CDK15: variants seen among roughly 807,000 people sequenced by gnomAD.
The protein encoded by CDK15 is cyclin dependent kinase 15.
Under a neutral mutation model 60.3 loss-of-function variants are expected in CDK15, and 62 were observed. That is an observed-to-expected ratio of 1.03 (90% CI 0.84 to 1.27). The LOEUF (loss-of-function observed/expected upper bound fraction) is 1.27, where lower values mean the gene tolerates loss of function less well. CDK15 is among the 50% of genes most tolerant of loss of function. The pLI is 0.00. For synonymous variants in CDK15, 194 were observed against 195.7 expected, an observed-to-expected ratio of 0.99 and a Z score of 0.07; for missense variants, 541 against 527.8, an observed-to-expected ratio of 1.03 and a Z score of -0.25.
At chr2:201,850,840 C>T (rs571480466) in intron 9 of CDK15, among the ~76,000 whole-genome samples, 20 of 152,282 alleles carry the variant, frequency 1.3e-4, no homozygotes, top group Middle Eastern at 3.4e-3. Flanking sequence ...AATATCTCAC[C>T]ATGGTCCTAG....
intron 4 of CDK15, among the ~76,000 whole-genome samples, chr2:201,817,066 C>T (rs1696028141): frequency 6.6e-6 from 1 of 152,264 alleles, no homozygotes; most frequent in Admixed American, 6.5e-5. Flanking sequence ...CTGCTGAACA[C>T]TGCTGCTTCA....
Position 201,847,488 on chromosome 2 carries a change from T to A in CDK15, c.945+14T>A, listed in dbSNP as rs760064466. On this transcript the variant is annotated intron_variant, in intron 9 of 13. Coordinates refer to ENST00000652192, the MANE Select transcript of CDK15 (RefSeq NM_001366386.2). ...AAAATCTGGGAGGTAGGAGAATAAT[T>A]CTTCTAAAGAAAATGAAATATCTGC... 1.2e-6 allele frequency: 2 copies of A among 1,606,414 alleles called. No homozygotes were observed. Among genetic ancestry groups the A allele is most frequent in the Non-Finnish European group, 1.7e-6 (2 of 1,174,672 alleles).
intron 4 of CDK15, among the ~76,000 whole-genome samples, chr2:201,815,935 G>A (rs1322815975): frequency 3.3e-5 from 5 of 152,102 alleles, no homozygotes; most frequent in African/African-American, 2.4e-5. Context: ...CTTGTCTGAG[G>A]TCACAGAGAT....
chr2:201,807,600 G>A lies in CDK15; in HGVS notation c.230G>A (p.Ser77Asn), dbSNP rs1695571154. ...AAGAGTAAAAGGCCACGGAGTAACA[G>A]TGATTGTTTTCAGGAAGAGGATCTG... ...KFKSKRPRSN[S>N]DCFQEEDLRQ... is the part of the protein sequence containing the mutation. The change falls in exon 2 of 14, where the codon AGT becomes AAT. Residue 77 changes from serine to asparagine, a missense_variant. Ser to Asn is a conservative substitution (Grantham distance 46). Coordinates refer to ENST00000652192, the MANE Select transcript of CDK15 (RefSeq NM_001366386.2). 1.2e-6 allele frequency: 2 copies of A among 1,614,198 alleles called. No homozygotes were observed. Among genetic ancestry groups the A allele is most frequent in the South Asian group, 2.2e-5 (2 of 91,082 alleles).
chr2:201,860,438 A>G (rs1410017564), intron 10 of CDK15, among the ~76,000 whole-genome samples: 1 of 152,174 alleles, frequency 6.6e-6, no homozygotes, highest in African/African-American at 2.4e-5. Context: ...TCCCATAAAG[A>G]AGGGAATAGG....
intron 12 of CDK15, chr2:201,888,714 GTC>G (rs533911769): frequency 1.2e-3 from 1,481 of 1,259,062 alleles, no homozygotes; most frequent in East Asian, 2.5e-3. Flanking sequence ...GCCAGATAGT[GTC>G]TCTCTCTCTC....
rs1699302234 is a variant in CDK15 at position 201,882,194 on chromosome 2, T to C, written c.1198+2027T>C. Among the ~76,000 whole-genome samples, 2 of 151,506 alleles carry C rather than the reference T, an allele frequency of 1.3e-5. No individual in the cohort carries two copies. The highest frequency in any genetic ancestry group is 4.9e-5 in the African/African-American group (2 of 40,992). Reference sequence around the variant, plus strand: ...GTGTGTATGTGTGTATATGTGTGTGTGCGTATGTGTGTGTGTGTGTGTGAG... The same window carrying C: ...GTGTGTATGTGTGTATATGTGTGTGCGCGTATGTGTGTGTGTGTGTGTGAG... On this transcript the variant is annotated intron_variant, in intron 12 of 13. Coordinates refer to ENST00000652192, the MANE Select transcript of CDK15 (RefSeq NM_001366386.2). This position sits in a 1 kb window ranked among gnomAD's most constrained non-coding sequence, Gnocchi z 4.0.
At chr2:201,885,710 A>G (rs1420693639) in intron 12 of CDK15, among the ~76,000 whole-genome samples, 1 of 152,200 alleles carries the variant, frequency 6.6e-6, no homozygotes, top group Non-Finnish European at 1.5e-5. Flanking sequence ...AGTAAAGATA[A>G]ATAATTCAGA....
chr2:201,845,923 T>C (rs2105771691), intron 8 of CDK15, among the ~76,000 whole-genome samples: 1 of 151,902 alleles, frequency 6.6e-6, no homozygotes, highest in South Asian at 2.1e-4. Context: ...CTTTTAATAC[T>C]CAAAAGACTT....
At chr2:201,854,121 C>A (rs1698033838) in intron 9 of CDK15, among the ~76,000 whole-genome samples, 1 of 152,080 alleles carries the variant, frequency 6.6e-6, no homozygotes, top group African/African-American at 2.4e-5. Flanking sequence ...TTGCAGTGAG[C>A]CGAGATCGCA....
chr2:201,864,168 G>A (rs11889379), intron 10 of CDK15, among the ~76,000 whole-genome samples: 40,844 of 151,978 alleles, frequency 0.27, 6,431 homozygotes, highest in African/African-American at 0.42. Flanking sequence ...TACAATGTGG[G>A]AAGTATACTA....
intron 3 of CDK15, among the ~76,000 whole-genome samples, chr2:201,808,516 A>G (rs1695614036): frequency 7.2e-5 from 11 of 152,262 alleles, no homozygotes; most frequent in Admixed American, 6.5e-4. Flanking sequence ...AAAGCTAAGT[A>G]CTAATTTTGG....
intron 6 of CDK15, among the ~76,000 whole-genome samples, chr2:201,829,199 A>G (rs955190348): frequency 1.1e-4 from 16 of 151,938 alleles, no homozygotes; most frequent in African/African-American, 3.9e-4. Context: ...TTTTTTTGAA[A>G]TGTTATATTC....
At chr2:201,881,771 A>G (rs1229760716) in intron 12 of CDK15, among the ~76,000 whole-genome samples, 1 of 150,862 alleles carries the variant, frequency 6.6e-6, no homozygotes, top group Admixed American at 6.6e-5. Context: ...CTCCCCGGCC[A>G]CTCCCATCCC....
At chr2:201,844,250 T>G (rs1361555170) in intron 8 of CDK15, among the ~76,000 whole-genome samples, 3 of 152,198 alleles carry the variant, frequency 2.0e-5, no homozygotes, top group African/African-American at 7.2e-5. Flanking sequence ...GTATTTATTT[T>G]TACTCCAAAA....
chr2:201,882,270 G>C lies in CDK15; in HGVS notation c.1198+2103G>C, dbSNP rs879601036. Among the ~76,000 whole-genome samples, 3 of 152,004 alleles carry C rather than the reference G, an allele frequency of 2.0e-5. No homozygotes were observed. Among genetic ancestry groups the C allele is most frequent in the African/African-American group, 7.2e-5 (3 of 41,396 alleles). On this transcript the variant is annotated intron_variant, in intron 12 of 13. Transcript: ENST00000652192. The surrounding 1 kb of genome is among the most constrained non-coding windows in gnomAD (Gnocchi z 4.0). ...TTCCTTCCCTGTTCGCCCAGTCACA[G>C]AGCCCAAATCTACTTTGACACTTTT...
intron 4 of CDK15, among the ~76,000 whole-genome samples, chr2:201,817,384 G>A (rs548236359): frequency 4.9e-4 from 75 of 152,260 alleles, no homozygotes; most frequent in African/African-American, 1.7e-3. Flanking sequence ...GATTCGTGAT[G>A]TTGAGCAATT....
At chr2:201,886,894 C>T (rs745871382) in intron 12 of CDK15, among the ~76,000 whole-genome samples, 8 of 152,152 alleles carry the variant, frequency 5.3e-5, no homozygotes, top group Admixed American at 2.6e-4. Flanking sequence ...AAATGATTCT[C>T]TGCTGATGGT....
At chr2:201,857,059 T>TAAAAATACAAAA (rs1698172113) in intron 10 of CDK15, among the ~76,000 whole-genome samples, 1 of 76,062 alleles carries the variant, frequency 1.3e-5, no homozygotes, top group Non-Finnish European at 2.3e-5. Context: ...CCGTCTCTAC[T>TAAAAATACAAAA]AAAAATACAA....
Sources: gnomAD v4.1 joint callset for allele counts (sites outside exome capture counted in the v4.1 genomes callset) on GRCh38, gnomAD v4.1.1 for gene constraint, Gnocchi (gnomAD v3.1) non-coding constraint, MANE v1.5 for transcripts, NCBI Gene and HGNC (gene_info 2026-07-23, HGNC 2026-07-21) for gene names.